EFCAB5: variants seen among roughly 807,000 people sequenced by gnomAD.
The protein encoded by EFCAB5 is EF-hand calcium-binding domain-containing protein 5.
A neutral mutation model predicts 167.9 loss-of-function variants in EFCAB5; 131 were observed. That is an observed-to-expected ratio of 0.78 (90% CI 0.68 to 0.90). The LOEUF (loss-of-function observed/expected upper bound fraction) is 0.90. Among genes scored for constraint, EFCAB5 ranks in the 40% least tolerant of loss-of-function variants. The pLI, the probability that EFCAB5 is intolerant of heterozygous loss-of-function variation, is 0.00. For synonymous variants in EFCAB5, 574 were observed against 602.8 expected (o/e 0.95, Z 0.70); for missense variants, 1,663 against 1,745.2 (o/e 0.95, Z 0.84).
At chr17:30,066,406 A>C (rs1033404673) in intron 14 of EFCAB5, among the ~76,000 whole-genome samples, 2 of 152,096 alleles carry the variant, frequency 1.3e-5, no homozygotes, top group African/African-American at 2.4e-5. Context: ...TTACTTTTTA[A>C]TTTATTTATT....
chr17:29,994,804 T>C (rs573421436), intron 5 of EFCAB5, among the ~76,000 whole-genome samples: 7 of 152,168 alleles, frequency 4.6e-5, no homozygotes, highest in Admixed American at 2.6e-4. Flanking sequence ...AAATGGCAAA[T>C]AAATAAAAAG....
At chr17:30,087,225 G>C in intron 19 of EFCAB5, 59 bp downstream of exon 19, 1 of 1,375,554 alleles carries the variant, frequency 7.3e-7, no homozygotes, top group South Asian at 1.2e-5. Flanking sequence ...TACAATAGTA[G>C]ACCTGAAAGA....
At chr17:30,049,807 C>G (rs967892735) in intron 8 of EFCAB5, among the ~76,000 whole-genome samples, 4 of 152,160 alleles carry the variant, frequency 2.6e-5, no homozygotes, top group Non-Finnish European at 4.4e-5. Flanking sequence ...AGCAATTTGG[C>G]TATAACTAAT....
intron 7 of EFCAB5, among the ~76,000 whole-genome samples, chr17:30,006,031 CG>C (rs1201946517): frequency 6.6e-6 from 1 of 152,220 alleles, no homozygotes; most frequent in African/African-American, 2.4e-5. Context: ...GCCTAACCAA[CG>C]TATACCTTCC....
chr17:29,993,341 A>G lies in EFCAB5; in HGVS notation c.924+20A>G, dbSNP rs2068464951. 2 of 1,604,412 alleles carry G rather than the reference A, an allele frequency of 1.2e-6. No homozygotes were observed. Among genetic ancestry groups the G allele is most frequent in the African/African-American group, 2.7e-5 (2 of 74,652 alleles). On this transcript the variant is annotated intron_variant, in intron 5 of 22. Transcript: ENST00000394835. ...TCAGTGGTAAGAAAATTGGGGGTAT[A>G]TGTGAAAGGTAGGTGGGGTAAGTGG...
chr17:29,932,136 G>A (rs2067204645), intron 1 of EFCAB5, among the ~76,000 whole-genome samples: 1 of 151,122 alleles, frequency 6.6e-6, no homozygotes. Flanking sequence ...AGCCCTCTAT[G>A]CAATTAAGAT....
chr17:30,047,921 C>T (rs566594912), intron 8 of EFCAB5, among the ~76,000 whole-genome samples: 3 of 152,252 alleles, frequency 2.0e-5, no homozygotes, highest in Admixed American at 2.0e-4. Context: ...ACAAGACTTC[C>T]TCAAGTACAT....
chr17:29,960,058 C>T (rs1400334494), intron 3 of EFCAB5, among the ~76,000 whole-genome samples: 1 of 152,196 alleles, frequency 6.6e-6, no homozygotes, highest in African/African-American at 2.4e-5. Flanking sequence ...AATGCTCCCT[C>T]TGTGGGCACC....
chr17:30,082,980 TTA>T lies in EFCAB5; in HGVS notation c.3518_3519del (p.Tyr1173Ter). The stretch of plus-strand genomic sequence containing the variant: ...TTGTGATCACTGGCATAGGCTGGCT[TTA>T]TGACGTCACATCCAGCATCACCTCC... ...HIVITGIGWLYDVTSSITSIT... is the reference protein window; with the variant it reads ...HIVITGIGWLXDVTSSITSIT... On this transcript the variant is annotated frameshift_variant, in exon 18 of 23. Transcript: ENST00000394835. LOFTEE classifies it high-confidence loss of function. 6.2e-7 allele frequency: 1 copy of T among 1,614,004 alleles called. No individual in the cohort carries two copies. The highest frequency in any genetic ancestry group is 1.1e-5 in the South Asian group (1 of 91,086).
chr17:30,108,245 A>C lies in EFCAB5; in HGVS notation c.*221A>C. The C allele has an allele frequency of 2.5e-6, 1 of 396,582 alleles. No homozygotes were observed. The highest frequency in any genetic ancestry group is 4.5e-6 in the Non-Finnish European group (1 of 223,802). 24.6% of individuals were successfully genotyped at this position (396,582 alleles called of 1,614,324 possible). A position where few individuals can be genotyped will look rare whatever the true frequency, so the allele number is the denominator to read the frequency against. On this transcript the variant is annotated 3_prime_UTR_variant, in exon 23 of 23. Transcript: ENST00000394835. ...TAGCCATAGCCAAGTGTATTTAAGTATGTTATAGAATATATTTGAAAGCTT... is the reference window on the plus strand; with the variant it reads ...TAGCCATAGCCAAGTGTATTTAAGTCTGTTATAGAATATATTTGAAAGCTT...
chr17:30,029,771 C>A (rs2069429613), intron 7 of EFCAB5, among the ~76,000 whole-genome samples: 1 of 152,140 alleles, frequency 6.6e-6, no homozygotes, highest in Non-Finnish European at 1.5e-5. Flanking sequence ...AGTTTCCAAA[C>A]ATAGTTTTCT....
chr17:30,036,237 GTA>G (rs1408181614), intron 8 of EFCAB5, among the ~76,000 whole-genome samples: 5 of 130,622 alleles, frequency 3.8e-5, no homozygotes, highest in Admixed American at 3.3e-4. Flanking sequence ...TATAATGTAT[GTA>G]TATATAAATA....
chr17:29,939,243 G>C (rs764944205), upstream of EFCAB5, among the ~76,000 whole-genome samples: 1 of 152,180 alleles, frequency 6.6e-6, no homozygotes, highest in Non-Finnish European at 1.5e-5. Flanking sequence ...TAGATCTCAA[G>C]GGTGTATTTA....
intron 21 of EFCAB5, among the ~76,000 whole-genome samples, chr17:30,092,638 C>T (rs1002624138): frequency 3.9e-5 from 6 of 152,178 alleles, no homozygotes; most frequent in Admixed American, 3.3e-4. Flanking sequence ...GTCCTCCCAC[C>T]TGGGCTTCTC....
Position 30,082,896 on chromosome 17 carries a change from T to G in EFCAB5, c.3432T>G (p.Val1144=), listed in dbSNP as rs1176897470. The change falls in exon 18 of 23, where the codon GTT becomes GTG. Residue 1144 remains valine (V), a synonymous_variant. Coordinates refer to ENST00000394835, the MANE Select transcript of EFCAB5 (RefSeq NM_198529.4). The part of the protein sequence containing the change: ...LPHEIRFYQG[V]ANVFSTAYHY... The stretch of plus-strand genomic sequence containing the variant: ...TGAATTTTCTGTCTCTACAGGGTGT[T>G]GCTAATGTCTTTAGCACTGCCTATC... The G allele has an allele frequency of 3.1e-6, 5 of 1,613,012 alleles. No individual in the cohort carries two copies. In the Admixed American group the frequency reaches 8.4e-5, roughly 27 times the overall value.
chr17:30,080,973 T>C lies in EFCAB5; in HGVS notation c.3418T>C (p.Phe1140Leu). The change falls in exon 17 of 23, where the codon TTC (phenylalanine) becomes CTC (leucine). Residue 1140 changes from phenylalanine (F) to leucine (L), a missense_variant. Transcript: ENST00000394835. ...CATCTTTCTACCTCATGAGATCAGATTCTATCAGGTAAGTCATAGAAGTCT... is the reference window on the plus strand; with the variant it reads ...CATCTTTCTACCTCATGAGATCAGACTCTATCAGGTAAGTCATAGAAGTCT... ...INIFLPHEIR[F>L]YQGVANVFST... 1 of 1,612,028 alleles carries C rather than the reference T, an allele frequency of 6.2e-7. No individual in the cohort carries two copies. Among genetic ancestry groups the C allele is most frequent in the Non-Finnish European group, 8.5e-7 (1 of 1,179,484 alleles).
intron 10 of EFCAB5, among the ~76,000 whole-genome samples, chr17:30,055,069 G>T (rs911599579): frequency 2.6e-5 from 4 of 152,098 alleles, no homozygotes; most frequent in Admixed American, 1.3e-4. Flanking sequence ...AGGCTGAGAC[G>T]GGTGGATCGC....
intron 4 of EFCAB5, among the ~76,000 whole-genome samples, chr17:29,975,211 A>G (rs1047946513): frequency 6.6e-6 from 1 of 152,074 alleles, no homozygotes; most frequent in African/African-American, 2.4e-5. Flanking sequence ...GTCTAAAACA[A>G]AAGTGATACA....
intron 8 of EFCAB5, among the ~76,000 whole-genome samples, chr17:30,042,917 A>T (rs1018971629): frequency 7.2e-5 from 11 of 152,196 alleles, no homozygotes; most frequent in Admixed American, 1.3e-4. Context: ...TTGGTTAAGC[A>T]GTACATTAAA....
Sources: gnomAD v4.1 joint callset for allele counts (sites outside exome capture counted in the v4.1 genomes callset) on GRCh38, gnomAD v4.1.1 for gene constraint, MANE v1.5 for transcripts, NCBI Gene and HGNC (gene_info 2026-07-23, HGNC 2026-07-21) for gene names.